The following MCTP1 variants were observed in gnomAD, a reference collection of about 807,000 sequenced individuals.
The protein encoded by MCTP1 is multiple C2 and transmembrane domain-containing protein 1.
Under a neutral mutation model 120.6 loss-of-function variants are expected in MCTP1, and 69 were observed. The observed-to-expected ratio is 0.57, with a 90% CI of 0.47 to 0.70. The LOEUF is 0.70. Ranked by LOEUF, MCTP1 falls within the 30% of genes least tolerant of loss-of-function variation. The pLI is 0.00. For missense variants in MCTP1, 1,203 were observed against 1,248.8 expected (o/e 0.96, Z 0.55); for synonymous variants, 529 against 493.1 (o/e 1.07, Z -0.96).
rs1825832300 is a variant in MCTP1 at position 94,967,207 on chromosome 5, C to A, written c.839-13846G>T. Among the ~76,000 whole-genome samples the A allele has an allele frequency of 3.9e-5, 6 of 152,284 alleles. No individual in the cohort carries two copies. The South Asian group carries it at 1.2e-3, about 32-fold the overall frequency. On this transcript the variant is annotated intron_variant, in intron 2 of 22. Coordinates refer to ENST00000515393, the MANE Select transcript of MCTP1 (RefSeq NM_024717.7). ...CACTGTGTAGGTTAAGTGTCAAAAT[C>A]CCCTGAAGGTTGGGTAGAGATGGTT... is the stretch of plus-strand genomic sequence containing the variant.
chr5:95,082,709 G>T (rs1755079016), intron 1 of MCTP1, among the ~76,000 whole-genome samples: 1 of 152,030 alleles, frequency 6.6e-6, no homozygotes, highest in African/African-American at 2.4e-5. Context: ...TTATCATTTT[G>T]GTACTAGTGT....
intron 1 of MCTP1, among the ~76,000 whole-genome samples, chr5:95,193,338 T>C (rs941576853): frequency 2.0e-5 from 3 of 152,196 alleles, no homozygotes; most frequent in Non-Finnish European, 2.9e-5. Flanking sequence ...TTATTACTAA[T>C]ATATTTTATA....
At chr5:95,217,015 A>AT (rs1448557149) in intron 1 of MCTP1, among the ~76,000 whole-genome samples, 3 of 152,246 alleles carry the variant, frequency 2.0e-5, no homozygotes, top group Admixed American at 2.0e-4. Context: ...GCAGATGCGT[A>AT]TATACAGCCC....
chr5:94,980,931 A>C (rs1173866894), intron 2 of MCTP1: 1 of 152,178 alleles, frequency 6.6e-6, no homozygotes, highest in Non-Finnish European at 1.5e-5. Context: ...TAAGTTTTAT[A>C]AGTAAAAAAG....
At chr5:95,115,606 A>G (rs980585866) in intron 1 of MCTP1, among the ~76,000 whole-genome samples, 5 of 152,132 alleles carry the variant, frequency 3.3e-5, no homozygotes, top group Admixed American at 2.0e-4. Flanking sequence ...AAAAAAGAAT[A>G]AAAGACAATA....
chr5:95,044,148 G>A (rs531978846), intron 1 of MCTP1, among the ~76,000 whole-genome samples: 6 of 152,172 alleles, frequency 3.9e-5, no homozygotes, highest in Non-Finnish European at 5.9e-5. Flanking sequence ...TGTTGAGGGT[G>A]TATGTCATGG....
chr5:94,789,912 T>A lies in MCTP1; in HGVS notation c.2556+9101A>T, dbSNP rs192158699. 2.0e-3 allele frequency among the ~76,000 whole-genome samples: 305 copies of A among 152,252 alleles called. 1 individual carries two copies. The highest frequency in any genetic ancestry group is 5.8e-3 in the African/African-American group (239 of 41,540). On this transcript the variant is annotated intron_variant, in intron 18 of 22. Coordinates refer to ENST00000515393, the MANE Select transcript of MCTP1 (RefSeq NM_024717.7). ...GATAATTTTTATTTGGAAGGAAAGA[T>A]CAGACTAAAATATTTTCATTCAAAC...
chr5:94,804,673 C>T (rs1340184025), intron 17 of MCTP1, among the ~76,000 whole-genome samples: 9 of 152,112 alleles, frequency 5.9e-5, no homozygotes, highest in Admixed American at 4.6e-4. Flanking sequence ...CTCCTGACCT[C>T]GTGATCTGCC....
At chr5:95,093,334 A>T (rs926820586) in intron 1 of MCTP1, among the ~76,000 whole-genome samples, 3 of 152,180 alleles carry the variant, frequency 2.0e-5, no homozygotes, top group African/African-American at 7.2e-5. Context: ...CCTGCATTTC[A>T]TGACTGCTAA....
At chr5:95,062,460 A>G (rs1749485505) in intron 1 of MCTP1, among the ~76,000 whole-genome samples, 1 of 152,192 alleles carries the variant, frequency 6.6e-6, no homozygotes, top group South Asian at 2.1e-4. Context: ...TGAGGCTATA[A>G]GGAAAAGAGC....
intron 19 of MCTP1, among the ~76,000 whole-genome samples, chr5:94,738,024 G>GA (rs745369081): frequency 6.6e-6 from 1 of 152,158 alleles, no homozygotes; most frequent in Non-Finnish European, 1.5e-5. Flanking sequence ...CATCAGAAGC[G>GA]AAACAGCTAA....
At chr5:95,074,638 T>G (rs968523074) in intron 1 of MCTP1, among the ~76,000 whole-genome samples, 4 of 152,192 alleles carry the variant, frequency 2.6e-5, no homozygotes, top group African/African-American at 9.7e-5. Flanking sequence ...TCTGTGTGAT[T>G]ACAAGTATAT....
chr5:95,270,863 G>A (rs1364881865), intron 1 of MCTP1, among the ~76,000 whole-genome samples: 1 of 151,568 alleles, frequency 6.6e-6, no homozygotes, highest in Non-Finnish European at 1.5e-5. Context: ...CCAGGAGGTG[G>A]AGGTTGCAGT....
At chr5:94,988,956 A>G (rs1046304540) in intron 2 of MCTP1, among the ~76,000 whole-genome samples, 3 of 152,018 alleles carry the variant, frequency 2.0e-5, no homozygotes, top group African/African-American at 7.2e-5. Context: ...GATGGGGGAA[A>G]CCACCCCCAT....
chr5:94,875,606 G>A (rs897982764), intron 12 of MCTP1, among the ~76,000 whole-genome samples: 8 of 152,074 alleles, frequency 5.3e-5, no homozygotes, highest in South Asian at 2.1e-4. Flanking sequence ...AATAATCTAG[G>A]TGGTGGAACG....
chr5:94,798,952 C>T (rs758091165), intron 18 of MCTP1, 61 bp downstream of exon 18: 2 of 1,539,750 alleles, frequency 1.3e-6, no homozygotes, highest in Non-Finnish European at 1.7e-6. Flanking sequence ...CAATGTTGAT[C>T]TTGTCAGAGG....
chr5:94,920,847 T>C lies in MCTP1; in HGVS notation c.1273-2874A>G, dbSNP rs974976696. On this transcript the variant is annotated intron_variant, in intron 7 of 22. Transcript: ENST00000515393. ...ATCTTCCTTCAGACACACTTTTGCTTGACCTGACCGGAAGGCGGTACTCTG... is the reference window on the plus strand; with the variant it reads ...ATCTTCCTTCAGACACACTTTTGCTCGACCTGACCGGAAGGCGGTACTCTG... Among the ~76,000 whole-genome samples, 4 of 152,200 alleles carry C rather than the reference T, an allele frequency of 2.6e-5. No individual in the cohort carries two copies. The East Asian group carries it at 7.7e-4, about 29-fold the overall frequency.
intron 2 of MCTP1, among the ~76,000 whole-genome samples, chr5:94,989,582 T>C (rs759017436): frequency 6.6e-6 from 1 of 152,190 alleles, no homozygotes; most frequent in Non-Finnish European, 1.5e-5. Flanking sequence ...CAAAAGCTTC[T>C]AAGACCTTTG....
chr5:94,927,763 G>A (rs1403582651), intron 6 of MCTP1, among the ~76,000 whole-genome samples: 2 of 152,074 alleles, frequency 1.3e-5, no homozygotes, highest in African/African-American at 2.4e-5. Flanking sequence ...CAAGGTGTCA[G>A]GTTTAACTAC....
Sources: gnomAD v4.1 joint callset for allele counts (sites outside exome capture counted in the v4.1 genomes callset) on GRCh38, gnomAD v4.1.1 for gene constraint, MANE v1.5 for transcripts, NCBI Gene and HGNC (gene_info 2026-07-23, HGNC 2026-07-21) for gene names.